The following KL variants were observed in gnomAD, a reference collection of about 807,000 sequenced individuals.
KL encodes the protein klotho.
A neutral mutation model predicts 84.2 loss-of-function variants in KL; 62 were observed. That is an observed-to-expected ratio of 0.74 (90% confidence interval 0.60 to 0.91). KL has a LOEUF of 0.91. Ranked by LOEUF, KL falls within the 40% of genes least tolerant of loss-of-function variation. KL has a pLI of 0.00. For synonymous variants in KL, 528 were observed against 528.0 expected (o/e 1.00, Z 0.00); for missense variants, 1,261 against 1,305.7 (o/e 0.97, Z 0.53).
Position 33,016,931 on chromosome 13 carries a change from T to C in KL, c.491T>C (p.Val164Ala). 1 of 1,609,396 alleles carries C rather than the reference T, an allele frequency of 6.2e-7. No individual in the cohort carries two copies. Among genetic ancestry groups the C allele is most frequent in the Non-Finnish European group, 8.5e-7 (1 of 1,179,006 alleles). The change falls in exon 1 of 5, where the codon GTC becomes GCC. Residue 164 changes from valine (V) to alanine (A), a missense_variant. Val to Ala is a moderately conservative substitution (Grantham distance 64). Coordinates refer to ENST00000380099, the MANE Select transcript of KL (RefSeq NM_004795.4). Reference protein sequence around the residue: ...ARVLPNGSAGVPNREGLRYYR... With the variant: ...ARVLPNGSAGAPNREGLRYYR... ...GTGCTCCCCAATGGCAGCGCGGGCG[T>C]CCCCAACCGCGAGGGGCTGCGCTAC...
Position 33,063,974 on chromosome 13 carries a change from C to G in KL, c.2827C>G (p.His943Asp). The change falls in exon 5 of 5, where the codon CAT becomes GAT. Residue 943 changes from histidine to aspartate, a missense_variant. By Grantham distance (81) the His-to-Asp change is moderately conservative. Coordinates refer to ENST00000380099, the MANE Select transcript of KL (RefSeq NM_004795.4). ...DQFEPKASMK[H>D]YRKIIDSNGF... ...GTTTGAGCCCAAGGCATCCATGAAA[C>G]ATTACAGGAAAATTATTGACAGCAA... is the stretch of plus-strand genomic sequence containing the variant. 6.2e-7 allele frequency: 1 copy of G among 1,614,156 alleles called. No homozygotes were observed. Among genetic ancestry groups the G allele is most frequent in the Non-Finnish European group, 8.5e-7 (1 of 1,180,020 alleles).
Position 33,017,019 on chromosome 13 carries a change from C to G in KL, c.579C>G (p.His193Gln). The G allele has an allele frequency of 6.3e-7, 1 of 1,596,660 alleles. No homozygotes were observed. The highest frequency in any genetic ancestry group is 8.5e-7 in the Non-Finnish European group (1 of 1,175,442). Residue 193 changes from histidine (H) to glutamine (Q), a missense_variant, in exon 1 of 5, where the codon CAC becomes CAG. Coordinates refer to ENST00000380099, the MANE Select transcript of KL (RefSeq NM_004795.4). The stretch of plus-strand genomic sequence containing the variant: ...TGCAGCCCGTGGTCACCCTGTACCA[C>G]TGGGACCTGCCCCAGCGCCTGCAGG... ...LGVQPVVTLY[H>Q]WDLPQRLQDA...
intron 3 of KL, among the ~76,000 whole-genome samples, chr13:33,058,403 T>C (rs937379447): frequency 3.3e-5 from 5 of 151,408 alleles, no homozygotes; most frequent in African/African-American, 1.2e-4. Context: ...TGCAGTGGCG[T>C]GATCTCGGCT....
intron 1 of KL, among the ~76,000 whole-genome samples, chr13:33,050,478 C>A (rs1008007704): frequency 1.3e-5 from 2 of 152,214 alleles, no homozygotes; most frequent in African/African-American, 4.8e-5. Flanking sequence ...GTTTAACAGA[C>A]AATGAGGGCC....
intron 1 of KL, among the ~76,000 whole-genome samples, chr13:33,020,137 C>T (rs1394397463): frequency 6.6e-6 from 1 of 152,190 alleles, no homozygotes; most frequent in Non-Finnish European, 1.5e-5. Flanking sequence ...GTGAAAAAGA[C>T]TTCTTTCACG....
rs947638936 is a variant in KL at position 33,058,353 on chromosome 13, T to G, written c.1600-2326T>G. 6.6e-5 allele frequency among the ~76,000 whole-genome samples: 10 copies of G among 150,676 alleles called. No homozygotes were observed. The East Asian group carries it at 1.9e-3, about 29-fold the overall frequency. On this transcript the variant is annotated intron_variant, in intron 3 of 4. Coordinates refer to ENST00000380099, the MANE Select transcript of KL (RefSeq NM_004795.4). ...CTGTATTTTCTTTTTTTTTTTTTCT[T>G]TTTTTTTGACAGAGTCTTGCTCTGT...
At chr13:33,061,855 C>T in intron 4 of KL, 75 bp downstream of exon 4, 1 of 1,436,514 alleles carries the variant, frequency 7.0e-7, no homozygotes, top group Non-Finnish European at 9.7e-7. Flanking sequence ...AAATCTCCAA[C>T]ATCAACACAC....
At chr13:33,048,170 A>G (rs1211529247) in intron 1 of KL, among the ~76,000 whole-genome samples, 2 of 151,690 alleles carry the variant, frequency 1.3e-5, no homozygotes, top group Non-Finnish European at 2.9e-5. Context: ...CTGCTTTTTC[A>G]CATATCTAGT....
chr13:33,019,799 C>CAG (rs3831609), intron 1 of KL, among the ~76,000 whole-genome samples: 66,209 of 148,206 alleles, frequency 0.45, 16,246 homozygotes, highest in Middle Eastern at 0.56. Flanking sequence ...GGAGGAGGGA[C>CAG]AGAGAGAGAG....
rs139683555 is a variant in KL at position 33,061,341 on chromosome 13, A to G, written c.2262A>G (p.Glu754=). 1.2e-4 allele frequency: 197 copies of G among 1,614,074 alleles called. No individual in the cohort carries two copies. The highest frequency in any genetic ancestry group is 1.6e-4 in the Non-Finnish European group (189 of 1,180,036). ...AAGAGGTGGCTGAGAGAGTTTTGGAATTTGACATTGGCTGGCTGGCTGAGC... is the reference window on the plus strand; with the variant it reads ...AAGAGGTGGCTGAGAGAGTTTTGGAGTTTGACATTGGCTGGCTGGCTGAGC... ...KDKEVAERVL[E]FDIGWLAEPI... The change falls in exon 4 of 5, where the codon GAA becomes GAG. Residue 754 remains glutamate, a synonymous_variant. Transcript: ENST00000380099.
intron 1 of KL, among the ~76,000 whole-genome samples, chr13:33,048,293 G>C (rs543181183): frequency 5.3e-5 from 8 of 152,172 alleles, no homozygotes; most frequent in Non-Finnish European, 8.8e-5. Flanking sequence ...TAAATTACCA[G>C]ATTTACTTGA....
chr13:33,054,662 A>G (rs1871884795), intron 2 of KL, among the ~76,000 whole-genome samples: 1 of 152,240 alleles, frequency 6.6e-6, no homozygotes, highest in African/African-American at 2.4e-5. Context: ...CATGTTTTCT[A>G]GAGAAAATAG....
Position 33,054,119 on chromosome 13 carries a change from C to T in KL, c.1172C>T (p.Ser391Phe), listed in dbSNP as rs1243765296. 9 of 1,614,012 alleles carry T rather than the reference C, an allele frequency of 5.6e-6. No homozygotes were observed. The highest frequency in any genetic ancestry group is 1.1e-5 in the South Asian group (1 of 91,064). The change falls in exon 2 of 5, where the codon TCT (serine) becomes TTT (phenylalanine). Residue 391 changes from serine to phenylalanine, a missense_variant. Physicochemically the swap from Ser to Phe is radical, Grantham distance 155 (BLOSUM62 -2). Coordinates refer to ENST00000380099, the MANE Select transcript of KL (RefSeq NM_004795.4). ...CACATGAAGTTCCGCCAATTGGAAT[C>T]TCCCAACCTGAGGCAACTGCTTTCC... ...DPHMKFRQLE[S>F]PNLRQLLSWI...
At chr13:33,049,773 A>G (rs672105) in intron 1 of KL, among the ~76,000 whole-genome samples, 101,163 of 152,040 alleles carry the variant, frequency 0.67, 34,141 homozygotes, top group Admixed American at 0.76. Context: ...TAACCATCAA[A>G]CAGGCCTGCC....
At position 33,054,055 on chromosome 13, in the gene KL, T is replaced by A; in HGVS notation, c.1108T>A (p.Cys370Ser). The change falls in exon 2 of 5, where the codon TGC becomes AGC. Residue 370 changes from cysteine to serine, a missense_variant. Physicochemically the swap from Cys to Ser is moderately radical, Grantham distance 112 (BLOSUM62 -1). Coordinates refer to ENST00000380099, the MANE Select transcript of KL (RefSeq NM_004795.4). ...IKGTADFFAL[C>S]FGPTLSFQLL... ...AGGAACTGCTGACTTTTTTGCTCTT[T>A]GCTTTGGACCCACCTTGAGTTTTCA... The A allele has an allele frequency of 6.2e-7, 1 of 1,613,038 alleles. No homozygotes were observed. Among genetic ancestry groups the A allele is most frequent in the Non-Finnish European group, 8.5e-7 (1 of 1,179,236 alleles).
At chr13:33,043,646 A>T (rs772199227) in intron 1 of KL, among the ~76,000 whole-genome samples, 1 of 152,112 alleles carries the variant, frequency 6.6e-6, no homozygotes, top group Non-Finnish European at 1.5e-5. Context: ...ATTGGTGAAG[A>T]TTCTCTTGTG....
intron 4 of KL, among the ~76,000 whole-genome samples, chr13:33,063,510 C>T (rs1057048136): frequency 2.6e-5 from 4 of 152,084 alleles, no homozygotes; most frequent in African/African-American, 9.7e-5. Flanking sequence ...TGGTGACTCA[C>T]GCCTGTAATC....
Position 33,034,427 on chromosome 13 carries a change from G to T in KL, c.819+17168G>T, listed in dbSNP as rs559991318. On this transcript the variant is annotated intron_variant, in intron 1 of 4. Coordinates refer to ENST00000380099, the MANE Select transcript of KL (RefSeq NM_004795.4). ...GTAGAAAACTGATAGCGATGGGAAG[G>T]ATTCTTGCCTAATAGGGACACAAAC... Among the ~76,000 whole-genome samples, 6 of 152,216 alleles carry T rather than the reference G, an allele frequency of 3.9e-5. No individual in the cohort carries two copies. In the South Asian group the frequency reaches 1.2e-3, roughly 32 times the overall value.
At chr13:33,039,756 T>C (rs1323852671) in intron 1 of KL, among the ~76,000 whole-genome samples, 3 of 152,190 alleles carry the variant, frequency 2.0e-5, no homozygotes, top group Non-Finnish European at 4.4e-5. Context: ...AGAATGCAAC[T>C]TCAGGGCTAG....
Sources: gnomAD v4.1 joint callset for allele counts (sites outside exome capture counted in the v4.1 genomes callset) on GRCh38, gnomAD v4.1.1 for gene constraint, MANE v1.5 for transcripts, NCBI Gene and HGNC (gene_info 2026-07-23, HGNC 2026-07-21) for gene names.